MAP4: variants seen among roughly 807,000 people sequenced by gnomAD.
MAP4 encodes microtubule-associated protein 4.
MAP4 carries 76 observed loss-of-function variants against 170.2 expected under a neutral mutation model. That is an observed-to-expected ratio of 0.45 (90% CI 0.37 to 0.54). The LOEUF is 0.54. Ranked by LOEUF, MAP4 falls within the 20% of genes least tolerant of loss-of-function variation. The probability of loss-of-function intolerance (pLI) is 0.00; values close to 1 mark genes in which losing one functional copy is unlikely to be tolerated. For synonymous variants in MAP4, 909 were observed against 994.5 expected, an observed-to-expected ratio of 0.91 and a Z score of 1.62; for missense variants, 2,506 against 2,748.0, an observed-to-expected ratio of 0.91 and a Z score of 1.97.
intron 1 of MAP4, chr3:48,013,445 A>G (rs1408655443): frequency 6.6e-6 from 1 of 152,186 alleles, no homozygotes; most frequent in Non-Finnish European, 1.5e-5. Flanking sequence ...TGTATGCTTT[A>G]CTGAAGCACC....
At position 47,916,722 on chromosome 3, in the gene MAP4, C is replaced by A. The variant is rs754949216; in HGVS notation, c.1105G>T (p.Asp369Tyr). The A allele has an allele frequency of 1.2e-6, 2 of 1,614,170 alleles. No individual in the cohort carries two copies. The highest frequency in any genetic ancestry group is 2.7e-5 in the African/African-American group (2 of 75,050). Residue 369 changes from aspartate (D) to tyrosine (Y), a missense_variant, in exon 7 of 21, where the codon GAC (aspartate) becomes TAC (tyrosine). Physicochemically the swap from Asp to Tyr is radical, Grantham distance 160. This residue lies in a region of MAP4 where 2,008 missense variants were observed against 2,206.0 expected (regional missense o/e 0.91). Coordinates refer to ENST00000683076, the MANE Select transcript of MAP4 (RefSeq NM_001385682.1). ...TTGTTTTCTTTGGGTGGTCCCATGTCCTTGGAAGGGGCTAAGTCCATTTTT... is the reference window on the plus strand; with the variant it reads ...TTGTTTTCTTTGGGTGGTCCCATGTACTTGGAAGGGGCTAAGTCCATTTTT... ...PIKMDLAPSK[D>Y]MGPPKENKKE...
upstream of MAP4, among the ~76,000 whole-genome samples, chr3:48,017,854 C>A (rs115076045): frequency 4.0e-3 from 614 of 152,262 alleles, 6 homozygotes; most frequent in African/African-American, 0.014. Flanking sequence ...CAGTGGTCCC[C>A]AAACCTTTTG....
intron 3 of MAP4, among the ~76,000 whole-genome samples, chr3:47,932,533 T>A (rs1017178007): frequency 1.3e-5 from 2 of 152,136 alleles, no homozygotes; most frequent in Non-Finnish European, 2.9e-5. Context: ...CATTTTACAA[T>A]CCCAATAACA....
At chr3:48,064,038 A>G (rs7651237) in intron 1 of MAP4, among the ~76,000 whole-genome samples, 120,956 of 152,150 alleles carry the variant, frequency 0.79, 48,408 homozygotes, top group East Asian at 0.89. Context: ...GACTTAGCCC[A>G]AACTAACTTT....
chr3:47,893,045 C>A lies in MAP4; in HGVS notation c.5434+9905G>T, dbSNP rs993854159. On this transcript the variant is annotated intron_variant, in intron 10 of 20. Coordinates refer to ENST00000683076, the MANE Select transcript of MAP4 (RefSeq NM_001385682.1). The stretch of plus-strand genomic sequence containing the variant: ...TTGGACTAAAAAAAAAAAAAAAAAA[C>A]CACACCTTAACGTAGTATTAAGATT... 1.4e-4 allele frequency among the ~76,000 whole-genome samples: 19 copies of A among 134,782 alleles called. 1 individual carries two copies. Among genetic ancestry groups the A allele is most frequent in the South Asian group, 9.8e-4 (4 of 4,072 alleles). 88.4% of individuals were successfully genotyped at this position (134,782 alleles called of 152,430 possible).
chr3:48,080,926 C>T (rs1332500149), intron 1 of MAP4, among the ~76,000 whole-genome samples: 2 of 152,188 alleles, frequency 1.3e-5, no homozygotes, highest in East Asian at 3.9e-4. Context: ...AGATAGAGAC[C>T]ATCCTGGCTA....
At chr3:48,062,026 A>T (rs1251820670) in intron 1 of MAP4, among the ~76,000 whole-genome samples, 1 of 152,202 alleles carries the variant, frequency 6.6e-6, no homozygotes, top group Non-Finnish European at 1.5e-5. Context: ...GGAACGGGCC[A>T]TGATGAGGAT....
intron 3 of MAP4, among the ~76,000 whole-genome samples, chr3:47,930,710 C>G (rs563266852): frequency 6.6e-6 from 1 of 151,638 alleles, no homozygotes; most frequent in Non-Finnish European, 1.5e-5. Flanking sequence ...GGGCGGATCA[C>G]AAGGTCAGGA....
Position 47,857,479 on chromosome 3 carries a change from T to C in MAP4, c.6535A>G (p.Lys2179Glu). 2.5e-6 allele frequency: 4 copies of C among 1,614,060 alleles called. No homozygotes were observed. Among genetic ancestry groups the C allele is most frequent in the Non-Finnish European group, 2.5e-6 (3 of 1,179,950 alleles). The stretch of plus-strand genomic sequence containing the variant: ...TTAGACCCACACTTGGAGGAGACCT[T>C]AGAGATGTCCACTTTCTTGTTCTGA... ...QIQNKKVDIS[K>E]VSSKCGSKAN... The change falls in exon 18 of 21, where the codon AAG becomes GAG. Residue 2179 changes from lysine to glutamate, a missense_variant. Lys to Glu is a moderately conservative substitution (Grantham distance 56, BLOSUM62 1). Around this residue, in one of 3 missense-constraint regions of MAP4, gnomAD observed 487 missense variants for 511.6 expected, o/e 0.95. Transcript: ENST00000683076.
intron 10 of MAP4, chr3:47,892,206 C>G: frequency 6.5e-7 from 1 of 1,536,390 alleles, no homozygotes; most frequent in African/African-American, 1.4e-5. Context: ...TCTTGACAGT[C>G]CTTGTCCTGC....
chr3:47,920,295 T>C (rs1424804092), intron 5 of MAP4, among the ~76,000 whole-genome samples: 1 of 148,800 alleles, frequency 6.7e-6, no homozygotes, highest in Non-Finnish European at 1.5e-5. Context: ...TTAGTAGAGA[T>C]GGGGTTTCAC....
chr3:47,861,350 C>T (rs1053254708), intron 17 of MAP4, among the ~76,000 whole-genome samples: 9 of 141,524 alleles, frequency 6.4e-5, no homozygotes, highest in East Asian at 6.0e-4. Context: ...AACGAGACTC[C>T]GTCTTTTTTT....
At chr3:47,887,273 G>A (rs958443456) in intron 10 of MAP4, among the ~76,000 whole-genome samples, 1 of 152,238 alleles carries the variant, frequency 6.6e-6, no homozygotes, top group Non-Finnish European at 1.5e-5. Flanking sequence ...CCGGGTGGGC[G>A]TGGGCTTGGT....
intron 1 of MAP4, among the ~76,000 whole-genome samples, chr3:48,052,465 A>G (rs918818925): frequency 6.6e-6 from 1 of 151,810 alleles, no homozygotes; most frequent in African/African-American, 2.4e-5. Context: ...CAAGTGATCT[A>G]CCCGCCTCAG....
intron 2 of MAP4, among the ~76,000 whole-genome samples, chr3:47,997,401 T>G (rs1412166001): frequency 1.4e-5 from 2 of 142,396 alleles, no homozygotes; most frequent in East Asian, 4.0e-4. Context: ...TATTTTTAAA[T>G]ATTTTTAAAT....
At chr3:47,893,108 T>TC (rs1438971825) in intron 10 of MAP4, among the ~76,000 whole-genome samples, 1 of 151,720 alleles carries the variant, frequency 6.6e-6, no homozygotes, top group Non-Finnish European at 1.5e-5. Context: ...GGGTTTGCTG[T>TC]CATAGCAACT....
chr3:47,901,918 G>C (rs1161388997), intron 10 of MAP4, among the ~76,000 whole-genome samples: 1 of 152,072 alleles, frequency 6.6e-6, no homozygotes, highest in Admixed American at 6.5e-5. Context: ...TCAGCACTTT[G>C]GGAGGCCAAG....
intron 1 of MAP4, among the ~76,000 whole-genome samples, chr3:48,034,438 C>G (rs548238996): frequency 6.6e-6 from 1 of 152,262 alleles, no homozygotes; most frequent in African/African-American, 2.4e-5. Context: ...CACAGTGGCT[C>G]ATACCTGTAA....
At chr3:47,904,742 T>C (rs987571008) in intron 9 of MAP4, among the ~76,000 whole-genome samples, 1 of 152,132 alleles carries the variant, frequency 6.6e-6, no homozygotes, top group Admixed American at 6.5e-5. Context: ...CTTGGCTTAC[T>C]GGAACCTCTG....
Sources: allele counts gnomAD v4.1 joint callset (sites outside exome capture counted in the v4.1 genomes callset), GRCh38; gene constraint gnomAD v4.1.1; regional missense constraint gnomAD v4.1.1; transcripts MANE v1.5; gene names NCBI Gene and HGNC (gene_info 2026-07-23, HGNC 2026-07-21).